CREB1: variants seen among roughly 807,000 people sequenced by gnomAD.
CREB1 encodes cAMP responsive element binding protein 1, also known as cyclic AMP-responsive element-binding protein 1.
CREB1 carries 2 observed loss-of-function variants against 42.0 expected under a neutral mutation model. The observed-to-expected ratio is 0.05, with a 90% CI of 0.02 to 0.15. The LOEUF is 0.15. CREB1 is among the 10% of genes least tolerant of loss of function. The pLI, the probability that CREB1 is intolerant of heterozygous loss-of-function variation, is 1.00. For missense variants in CREB1, 199 were observed against 388.9 expected, an observed-to-expected ratio of 0.51 and a Z score of 4.11; for synonymous variants, 123 against 139.9, an observed-to-expected ratio of 0.88 and a Z score of 0.85.
At chr2:207,587,131 C>T (rs944741359) in intron 7 of CREB1, among the ~76,000 whole-genome samples, 7 of 152,102 alleles carry the variant, frequency 4.6e-5, no homozygotes, top group East Asian at 1.9e-4. Context: ...TGGTGGCTCA[C>T]GCCTGTAATC....
rs2106636802 is a variant in CREB1 at position 207,596,995 on chromosome 2, A to G, written c.921A>G (p.Gln307=). The change falls in exon 8 of 8, where the codon CAA becomes CAG. Residue 307 remains glutamine, a synonymous_variant. Transcript: ENST00000353267. ...ACAGAGTGGCAGTGCTTGAAAATCA[A>G]AACAAGACATTGATTGAGGAGCTAA... ...LENRVAVLEN[Q]NKTLIEELKA... The G allele has an allele frequency of 6.2e-7, 1 of 1,613,106 alleles. No individual in the cohort carries two copies. Among genetic ancestry groups the G allele is most frequent in the Non-Finnish European group, 8.5e-7 (1 of 1,179,784 alleles).
At chr2:207,571,073 A>G (rs920696072) in intron 5 of CREB1, among the ~76,000 whole-genome samples, 1 of 47,260 alleles carries the variant, frequency 2.1e-5, no homozygotes, top group African/African-American at 5.7e-5. Context: ...GATTTTTTTC[A>G]TTTGTATTTG....
chr2:207,567,422 C>G (rs749513859), intron 3 of CREB1, 41 bp from the exon 4 acceptor site: 1 of 1,434,046 alleles, frequency 7.0e-7, no homozygotes, highest in East Asian at 2.3e-5. Context: ...TTTACAGGAA[C>G]TAAATTTGAT....
chr2:207,536,819 A>G (rs536066008), intron 1 of CREB1, among the ~76,000 whole-genome samples: 9 of 151,760 alleles, frequency 5.9e-5, no homozygotes, highest in African/African-American at 1.7e-4. Context: ...GTGAAACCCC[A>G]TCTCTACTAA....
intron 7 of CREB1, among the ~76,000 whole-genome samples, chr2:207,588,587 T>C (rs1373959799): frequency 2.6e-5 from 4 of 152,224 alleles, no homozygotes; most frequent in Non-Finnish European, 5.9e-5. Flanking sequence ...AGGATTGTGT[T>C]GTGTCTATAG....
intron 3 of CREB1, among the ~76,000 whole-genome samples, chr2:207,567,067 AAAT>A (rs925713641): frequency 3.3e-5 from 5 of 152,138 alleles, no homozygotes; most frequent in Non-Finnish European, 7.4e-5. Context: ...TTATACAGTT[AAAT>A]AATAATATTT....
At chr2:207,585,596 T>TA (rs1184202448) in intron 7 of CREB1, among the ~76,000 whole-genome samples, 1 of 151,996 alleles carries the variant, frequency 6.6e-6, no homozygotes, top group East Asian at 1.9e-4. Flanking sequence ...AGGTAATCAA[T>TA]AAAATGCCTG....
At position 207,601,180 on chromosome 2, in the gene CREB1, G is replaced by A. The variant is rs753914470; in HGVS notation, c.*4122G>A. On this transcript the variant is annotated 3_prime_UTR_variant, in exon 8 of 8. Transcript: ENST00000353267. Reference sequence around the variant, plus strand: ...GCTGTTGGTATATTTTTTCCCTCATGGACCCAATAGAAAAGTTGTATATTT... The same window carrying A: ...GCTGTTGGTATATTTTTTCCCTCATAGACCCAATAGAAAAGTTGTATATTT... The A allele has an allele frequency of 8.6e-5, 16 of 185,236 alleles. No individual in the cohort carries two copies. The highest frequency in any genetic ancestry group is 1.6e-4 in the Non-Finnish European group (14 of 87,572). The allele number at this position is 185,236 out of a possible 1,614,324, so 11.5% of individuals were successfully genotyped here. A position where few individuals can be genotyped will look rare whatever the true frequency, so the allele number is the denominator to read the frequency against.
chr2:207,533,793 G>A (rs1189258256), intron 1 of CREB1, among the ~76,000 whole-genome samples: 3 of 152,010 alleles, frequency 2.0e-5, no homozygotes, highest in South Asian at 4.1e-4. Context: ...TATTTATTTG[G>A]CACTCACTGT....
At chr2:207,541,749 C>T (rs1212205400) in intron 1 of CREB1, among the ~76,000 whole-genome samples, 1 of 152,198 alleles carries the variant, frequency 6.6e-6, no homozygotes, top group African/African-American at 2.4e-5. Context: ...CAGTGGTTTT[C>T]AGTATATTCA....
chr2:207,548,227 C>T (rs2081370206), intron 1 of CREB1, among the ~76,000 whole-genome samples: 1 of 152,140 alleles, frequency 6.6e-6, no homozygotes, highest in Non-Finnish European at 1.5e-5. Context: ...CTGCATCTGG[C>T]TGGCATTATT....
rs534597699 is a variant in CREB1, at chr2:207,562,168, C to A, written c.261+1796C>A. Among the ~76,000 whole-genome samples, 6 of 152,280 alleles carry A rather than the reference C, an allele frequency of 3.9e-5. No individual in the cohort carries two copies. The East Asian group carries it at 1.2e-3, about 29-fold the overall frequency. On this transcript the variant is annotated intron_variant, in intron 3 of 7. Transcript: ENST00000353267. ...TACTGTGCCATTACTAATTCCCTAACCATATGCTCCTCTTAGTAATAGTGA... is the reference window on the plus strand; with the variant it reads ...TACTGTGCCATTACTAATTCCCTAAACATATGCTCCTCTTAGTAATAGTGA...
intron 7 of CREB1, among the ~76,000 whole-genome samples, chr2:207,596,431 G>GT (rs776239413): frequency 5.2e-4 from 79 of 152,208 alleles, no homozygotes; most frequent in Admixed American, 1.3e-3. Context: ...TTATGGAGTT[G>GT]TTTTTTTGTT....
At chr2:207,574,760 A>G (rs1270148116) in intron 5 of CREB1, among the ~76,000 whole-genome samples, 1 of 152,224 alleles carries the variant, frequency 6.6e-6, no homozygotes, top group Non-Finnish European at 1.5e-5. Context: ...AAGAATTTCT[A>G]CAAGAGTTAG....
At chr2:207,534,442 G>C (rs1189305635) in intron 1 of CREB1, among the ~76,000 whole-genome samples, 1 of 152,058 alleles carries the variant, frequency 6.6e-6, no homozygotes, top group African/African-American at 2.4e-5. Flanking sequence ...TCACCATGTT[G>C]GTCAGGCTGG....
intron 7 of CREB1, among the ~76,000 whole-genome samples, chr2:207,592,006 T>C (rs2085133571): frequency 6.6e-6 from 1 of 152,240 alleles, no homozygotes; most frequent in Admixed American, 6.5e-5. Flanking sequence ...AAAAACTCTT[T>C]TTTACATTTC....
At position 207,563,101 on chromosome 2, in the gene CREB1, G is replaced by A. The variant is rs955249501; in HGVS notation, c.261+2729G>A. On this transcript the variant is annotated intron_variant, in intron 3 of 7. Transcript: ENST00000353267. Reference sequence around the variant, plus strand: ...TGGAGGGAAGGGTGTTCTACTTTATGTAATGTGCTCAGGGAACACAGCACA... The same window carrying A: ...TGGAGGGAAGGGTGTTCTACTTTATATAATGTGCTCAGGGAACACAGCACA... Among the ~76,000 whole-genome samples the A allele has an allele frequency of 7.8e-4, 119 of 152,154 alleles. 7 individuals are homozygous for A. Among genetic ancestry groups the A allele is most frequent in the Non-Finnish European group, 7.4e-5 (5 of 68,020 alleles).
At chr2:207,571,964 C>T (rs1174921864) in intron 5 of CREB1, among the ~76,000 whole-genome samples, 2 of 152,196 alleles carry the variant, frequency 1.3e-5, no homozygotes, top group Admixed American at 6.5e-5. Flanking sequence ...CGCCGTGGCT[C>T]TCGCCTGTAA....
In CREB1 at chr2:207,575,307, A is replaced by C; in HGVS notation, c.541A>C (p.Asn181His). The C allele has an allele frequency of 1.9e-6, 3 of 1,614,116 alleles. No individual in the cohort carries two copies. The highest frequency in any genetic ancestry group is 2.5e-6 in the Non-Finnish European group (3 of 1,179,974). The change falls in exon 6 of 8, where the codon AAC becomes CAC. Residue 181 changes from asparagine (N) to histidine (H), a missense_variant. Coordinates refer to ENST00000353267, the MANE Select transcript of CREB1 (RefSeq NM_004379.5). ...CCAGGGAGGAGCAATACAGCTGGCT[A>C]ACAATGGTACCGATGGGGTACAGGG... Reference protein sequence around the residue: ...ITQGGAIQLANNGTDGVQGLQ... With the variant: ...ITQGGAIQLAHNGTDGVQGLQ...
Sources: allele counts gnomAD v4.1 joint callset (sites outside exome capture counted in the v4.1 genomes callset), GRCh38; gene constraint gnomAD v4.1.1; transcripts MANE v1.5; gene names NCBI Gene and HGNC (gene_info 2026-07-23, HGNC 2026-07-21).